WWC2: variants seen among roughly 807,000 people sequenced by gnomAD.
The protein encoded by WWC2 is protein WWC2.
A neutral mutation model predicts 138.5 loss-of-function variants in WWC2; 101 were observed. That is an observed-to-expected ratio of 0.73 (90% confidence interval 0.62 to 0.86). WWC2 has a LOEUF of 0.86. Among genes scored for constraint, WWC2 ranks in the 40% least tolerant of loss-of-function variants. The probability of loss-of-function intolerance (pLI) is 0.00; values close to 1 mark genes in which losing one functional copy is unlikely to be tolerated. For synonymous variants in WWC2, 558 were observed against 538.4 expected (o/e 1.04, Z -0.50); for missense variants, 1,420 against 1,419.4 (o/e 1.00, Z -0.01).
chr4:183,112,364 C>T (rs538432727), intron 1 of WWC2, among the ~76,000 whole-genome samples: 9 of 152,288 alleles, frequency 5.9e-5, no homozygotes, highest in Admixed American at 3.3e-4. Flanking sequence ...TGTGTGTGCC[C>T]CTTCATGCTC....
chr4:183,189,195 GA>G (rs1734916472), intron 1 of WWC2, among the ~76,000 whole-genome samples: 1 of 151,918 alleles, frequency 6.6e-6, no homozygotes, highest in Non-Finnish European at 1.5e-5. Flanking sequence ...AGCACTTTGG[GA>G]GGCTGAGGGA....
At position 183,103,402 on chromosome 4, in the gene WWC2, C is replaced by T. The variant is rs532438810; in HGVS notation, c.131+3780C>T. On this transcript the variant is annotated intron_variant, in intron 1 of 22. Transcript: ENST00000403733. ...AAGTTGGAGAGCAATGACGTGATCT[C>T]GGCTTACTGCGGCTCCCGGGTTCAA... is the stretch of plus-strand genomic sequence containing the variant. Among the ~76,000 whole-genome samples the T allele has an allele frequency of 2.2e-4, 33 of 147,676 alleles. No homozygotes were observed. In the South Asian group the frequency reaches 4.5e-3, roughly 20 times the overall value.
At chr4:183,160,889 G>T (rs1362755295) in intron 1 of WWC2, among the ~76,000 whole-genome samples, 1 of 152,048 alleles carries the variant, frequency 6.6e-6, no homozygotes, top group South Asian at 2.1e-4. Context: ...AAGTTGTAAG[G>T]CAACTCCATC....
intron 1 of WWC2, among the ~76,000 whole-genome samples, chr4:183,159,446 C>T (rs1305921695): frequency 6.6e-6 from 1 of 152,186 alleles, no homozygotes; most frequent in Non-Finnish European, 1.5e-5. Flanking sequence ...ACTCTGTCAT[C>T]CAGGCCGGAG....
At chr4:183,242,837 C>T (rs1378230149) in intron 5 of WWC2, among the ~76,000 whole-genome samples, 1 of 152,084 alleles carries the variant, frequency 6.6e-6, no homozygotes, top group African/African-American at 2.4e-5. Flanking sequence ...TACTTTAAGT[C>T]AGCAAATGAT....
At chr4:183,232,124 T>G (rs1279760977) in intron 4 of WWC2, among the ~76,000 whole-genome samples, 1 of 152,198 alleles carries the variant, frequency 6.6e-6, no homozygotes, top group Non-Finnish European at 1.5e-5. Context: ...TTTGACCATA[T>G]GTTTATTATT....
intron 14 of WWC2, among the ~76,000 whole-genome samples, chr4:183,266,339 G>T (rs2111369830): frequency 6.6e-6 from 1 of 152,252 alleles, no homozygotes; most frequent in East Asian, 1.9e-4. Context: ...TTATGTATCT[G>T]TACAACATTG....
chr4:183,218,778 G>A (rs1735836607), intron 4 of WWC2, among the ~76,000 whole-genome samples: 1 of 151,954 alleles, frequency 6.6e-6, no homozygotes, highest in Non-Finnish European at 1.5e-5. Context: ...AGGTTAGAGA[G>A]GTCAGTTTTT....
chr4:183,181,076 G>T (rs943850956), intron 1 of WWC2, among the ~76,000 whole-genome samples: 3 of 152,168 alleles, frequency 2.0e-5, no homozygotes, highest in African/African-American at 4.8e-5. Context: ...AATGTAAAGA[G>T]GCAGTATTAA....
At chr4:183,163,807 G>C (rs1231577593) in intron 1 of WWC2, among the ~76,000 whole-genome samples, 1 of 152,086 alleles carries the variant, frequency 6.6e-6, no homozygotes, top group Non-Finnish European at 1.5e-5. Context: ...TAATACAAAA[G>C]TGATTTGTGA....
intron 16 of WWC2, among the ~76,000 whole-genome samples, chr4:183,273,281 G>GTTAT (rs1219041131): frequency 6.6e-6 from 1 of 151,592 alleles, no homozygotes; most frequent in Non-Finnish European, 1.5e-5. Context: ...TTTAAACGAT[G>GTTAT]TTATTTATTT....
chr4:183,280,367 C>T (rs1738029014), intron 16 of WWC2, among the ~76,000 whole-genome samples: 2 of 150,460 alleles, frequency 1.3e-5, no homozygotes, highest in South Asian at 4.3e-4. Flanking sequence ...TTTCTCTAAC[C>T]TCTTGTGAGT....
rs1737453839 is a variant in WWC2, at chr4:183,265,010, A to T, written c.1942A>T (p.Ile648Phe). 6.2e-7 allele frequency: 1 copy of T among 1,613,202 alleles called. No homozygotes were observed. Among genetic ancestry groups the T allele is most frequent in the African/African-American group, 1.3e-5 (1 of 75,022 alleles). ...VEKSLPKRRV[I>F]HLLGEKTTCV... ...AAAATCATTACCAAAAAGAAGAGTG[A>T]TCCACTTGCTTGGGGAGAAAACCAC... The change falls in exon 12 of 23, where the codon ATC becomes TTC. Residue 648 changes from isoleucine (I) to phenylalanine (F), a missense_variant. By Grantham distance (21) the Ile-to-Phe change is conservative. Transcript: ENST00000403733.
In WWC2 at chr4:183,287,338, G is replaced by A. The variant is rs373681976; in HGVS notation, c.3141+1279G>A. ...GGTTACCAAACTTTATGCCTTAAAA[G>A]CACCTAAATTTTTATCATCTTGAAT... On this transcript the variant is annotated intron_variant, in intron 20 of 22. Coordinates refer to ENST00000403733, the MANE Select transcript of WWC2 (RefSeq NM_024949.6). Among the ~76,000 whole-genome samples the A allele has an allele frequency of 1.6e-4, 24 of 152,302 alleles. No homozygotes were observed. In the East Asian group the frequency reaches 3.9e-3, roughly 24 times the overall value.
At position 183,193,626 on chromosome 4, in the gene WWC2, T is replaced by C. The variant is rs903568474; in HGVS notation, c.159T>C (p.Asp53=). The stretch of plus-strand genomic sequence containing the variant: ...TAACGAAGCCCTTGTCATTTGCTGA[T>C]TGTGTTGGGGATGAGCTGCCGTGGG... The part of the protein sequence containing the change: ...DRLTKPLSFA[D]CVGDELPWGW... The change falls in exon 2 of 23, where the codon GAT becomes GAC. Residue 53 remains aspartate, a synonymous_variant. Transcript: ENST00000403733. 1 of 1,613,964 alleles carries C rather than the reference T, an allele frequency of 6.2e-7. No individual in the cohort carries two copies. Among genetic ancestry groups the C allele is most frequent in the Non-Finnish European group, 8.5e-7 (1 of 1,179,888 alleles).
chr4:183,186,699 G>A (rs763746932), intron 1 of WWC2, among the ~76,000 whole-genome samples: 4 of 152,108 alleles, frequency 2.6e-5, no homozygotes, highest in African/African-American at 7.2e-5. Context: ...GAGGGGATGC[G>A]AGACATGTAG....
chr4:183,292,257 C>T (rs1738479657), intron 21 of WWC2, among the ~76,000 whole-genome samples: 1 of 151,690 alleles, frequency 6.6e-6, no homozygotes, highest in Non-Finnish European at 1.5e-5. Flanking sequence ...CACACAGACA[C>T]ACACACACAT....
intron 10 of WWC2, among the ~76,000 whole-genome samples, chr4:183,260,090 C>T (rs1430461331): frequency 6.6e-6 from 1 of 152,208 alleles, no homozygotes; most frequent in Admixed American, 6.5e-5. Flanking sequence ...CTCACATTCA[C>T]ACACAAAGAG....
intron 1 of WWC2, among the ~76,000 whole-genome samples, chr4:183,108,520 G>A (rs549050664): frequency 6.6e-6 from 1 of 152,282 alleles, no homozygotes; most frequent in South Asian, 2.1e-4. Flanking sequence ...AAGACTAAAT[G>A]TAATGTGTCC....
Sources: allele counts gnomAD v4.1 joint callset (sites outside exome capture counted in the v4.1 genomes callset), GRCh38; gene constraint gnomAD v4.1.1; transcripts MANE v1.5; gene names NCBI Gene and HGNC (gene_info 2026-07-23, HGNC 2026-07-21).